Variants in SLCO1B1 observed in about 807,000 individuals in gnomAD.
The protein encoded by SLCO1B1 is solute carrier organic anion transporter family member 1B1.
In SLCO1B1, 81 loss-of-function variants were observed where a neutral mutation model predicts 70.1. The ratio of observed to expected loss-of-function variants is 1.16; its 90% CI spans 0.97 to 1.39. The LOEUF is 1.39. Among genes scored for constraint, SLCO1B1 ranks in the 40% most tolerant of loss-of-function variants. The pLI, the probability that SLCO1B1 is intolerant of heterozygous loss-of-function variation, is 0.00. For missense variants in SLCO1B1, 895 were observed against 799.6 expected (o/e 1.12, Z -1.44); for synonymous variants, 283 against 271.5 (o/e 1.04, Z -0.42).
intron 1 of SLCO1B1, among the ~76,000 whole-genome samples, chr12:21,135,651 T>G (rs539672962): frequency 6.6e-6 from 1 of 152,292 alleles, no homozygotes; most frequent in East Asian, 1.9e-4. Flanking sequence ...AGACTAGGAT[T>G]GCAACCCCTG....
At chr12:21,186,567 C>T (rs1008668046) in intron 7 of SLCO1B1, among the ~76,000 whole-genome samples, 3 of 151,716 alleles carry the variant, frequency 2.0e-5, no homozygotes, top group Non-Finnish European at 4.4e-5. Context: ...CACGACATTA[C>T]AAGAAAAAGT....
chr12:21,211,077 G>T (rs1003182428), intron 11 of SLCO1B1, among the ~76,000 whole-genome samples: 10 of 152,106 alleles, frequency 6.6e-5, no homozygotes, highest in African/African-American at 2.4e-4. Flanking sequence ...AATTGCCCTG[G>T]CCAGAACTTC....
At chr12:21,142,070 TAAAAAA>T (rs4149093) in intron 2 of SLCO1B1, among the ~76,000 whole-genome samples, 1 of 147,488 alleles carries the variant, frequency 6.8e-6, no homozygotes, top group Non-Finnish European at 1.5e-5. Context: ...AAAATTCTTT[TAAAAAA>T]AAAAACAAAA....
rs560703632 is a variant in SLCO1B1, at chr12:21,224,661, A to T, written c.1748-61A>T. 8.2e-6 allele frequency: 8 copies of T among 974,786 alleles called. No individual in the cohort carries two copies. In the South Asian group the frequency reaches 1.1e-4, roughly 13 times the overall value. The allele number at this position is 974,786 out of a possible 1,614,324, so 60.4% of individuals were successfully genotyped here. ...TAATCAAAATATATCAATGTGGAAT[A>T]TCATGCAGTTACATTTAAAATATGT... On this transcript the variant is annotated intron_variant, in intron 13 of 14. Transcript: ENST00000256958.
chr12:21,220,605 G>C (rs1259904571), intron 12 of SLCO1B1, among the ~76,000 whole-genome samples: 1 of 151,994 alleles, frequency 6.6e-6, no homozygotes, highest in Admixed American at 6.6e-5. Context: ...ACTAATAGGA[G>C]AAACCAATAA....
At chr12:21,169,473 T>G (rs1206237405) in intron 2 of SLCO1B1, among the ~76,000 whole-genome samples, 1 of 152,158 alleles carries the variant, frequency 6.6e-6, no homozygotes, top group Non-Finnish European at 1.5e-5. Flanking sequence ...TTTTCCTGAT[T>G]TTTTCTTCTG....
In SLCO1B1 at chr12:21,178,995, C is replaced by T. The variant is rs543278680; in HGVS notation, c.702C>T (p.Tyr234=). ...TGGGATCTCTGTTTTCTAAAATGTACGTGGATATTGGATATGTAGATCTAA... is the reference window on the plus strand; with the variant it reads ...TGGGATCTCTGTTTTCTAAAATGTATGTGGATATTGGATATGTAGATCTAA... The part of the protein sequence containing the change: ...FTLGSLFSKM[Y]VDIGYVDLST... Residue 234 remains tyrosine, a synonymous_variant, in exon 7 of 15, where the codon TAC becomes TAT. Coordinates refer to ENST00000256958, the MANE Select transcript of SLCO1B1 (RefSeq NM_006446.5). 9.9e-6 allele frequency: 16 copies of T among 1,608,290 alleles called. No individual in the cohort carries two copies. Among genetic ancestry groups the T allele is most frequent in the South Asian group, 3.3e-5 (3 of 90,948 alleles).
At chr12:21,189,467 T>C (rs79726175) in intron 7 of SLCO1B1, among the ~76,000 whole-genome samples, 3 of 146,948 alleles carry the variant, frequency 2.0e-5, no homozygotes, top group Non-Finnish European at 4.5e-5. Flanking sequence ...TTTTTTTTTT[T>C]GAGTCACTCT....
At chr12:21,196,716 C>T (rs1941095718) in intron 7 of SLCO1B1, among the ~76,000 whole-genome samples, 2 of 152,150 alleles carry the variant, frequency 1.3e-5, no homozygotes, top group Admixed American at 6.6e-5. Flanking sequence ...CAAGTGCACA[C>T]AAGCTCAGGC....
At position 21,224,730 on chromosome 12, in the gene SLCO1B1, C is replaced by A; in HGVS notation, c.1756C>A (p.Leu586Ile). Residue 586 changes from leucine to isoleucine, a missense_variant, in exon 14 of 15, where the codon CTA becomes ATA. By Grantham distance (5) the Leu-to-Ile change is conservative. Coordinates refer to ENST00000256958, the MANE Select transcript of SLCO1B1 (RefSeq NM_006446.5). ...CTCTTCTCCTATTACAGGAGGAATT[C>A]TAGCTCCAATATATTTTGGGGCTCT... ...SMVIRALGGI[L>I]APIYFGALID... The A allele has an allele frequency of 2.5e-6, 4 of 1,599,560 alleles. No individual in the cohort carries two copies. The highest frequency in any genetic ancestry group is 3.4e-6 in the Non-Finnish European group (4 of 1,167,970).
intron 14 of SLCO1B1, among the ~76,000 whole-genome samples, chr12:21,233,801 C>A (rs962074747): frequency 6.6e-6 from 1 of 152,162 alleles, no homozygotes; most frequent in Non-Finnish European, 1.5e-5. Flanking sequence ...AGAGACAGTG[C>A]CAGAGTCAGC....
At chr12:21,231,994 G>T (rs1941543766) in intron 14 of SLCO1B1, among the ~76,000 whole-genome samples, 1 of 152,156 alleles carries the variant, frequency 6.6e-6, no homozygotes, top group Non-Finnish European at 1.5e-5. Context: ...TTAACCATGA[G>T]TGTATGAGGT....
In SLCO1B1 at chr12:21,217,319, A is replaced by G. The variant is rs1205311948; in HGVS notation, c.1682+16A>G. On this transcript the variant is annotated intron_variant, in intron 12 of 14. Transcript: ENST00000256958. ...TGATTGTTAAGTAAGTATGACTTTTAAAAACATTTTCATATGCATGAGACT... is the reference window on the plus strand; with the variant it reads ...TGATTGTTAAGTAAGTATGACTTTTGAAAACATTTTCATATGCATGAGACT... The G allele has an allele frequency of 6.2e-7, 1 of 1,606,426 alleles. No individual in the cohort carries two copies.
intron 13 of SLCO1B1, 123 bp downstream of exon 13, chr12:21,222,487 C>T (rs1298899766): frequency 1.1e-4 from 25 of 222,726 alleles, no homozygotes; most frequent in Non-Finnish European, 1.7e-4. Context: ...GGATTAAAGA[C>T]TGTAATGAAT....
chr12:21,140,920 G>A (rs200128665), intron 1 of SLCO1B1, among the ~76,000 whole-genome samples: 3 of 152,008 alleles, frequency 2.0e-5, no homozygotes, highest in Non-Finnish European at 2.9e-5. Flanking sequence ...GTAACATCAT[G>A]ATGGTGGTAA....
At chr12:21,221,743 A>G (rs888712333) in intron 12 of SLCO1B1, among the ~76,000 whole-genome samples, 2 of 152,122 alleles carry the variant, frequency 1.3e-5, no homozygotes, top group Non-Finnish European at 2.9e-5. Flanking sequence ...GGCCATTACT[A>G]AAAAGTCAAA....
chr12:21,156,902 T>A (rs1940551176), intron 2 of SLCO1B1, among the ~76,000 whole-genome samples: 1 of 152,172 alleles, frequency 6.6e-6, no homozygotes, highest in Non-Finnish European at 1.5e-5. Context: ...GAACTGTGAA[T>A]GAATTTAAGT....
Position 21,174,750 on chromosome 12 carries a change from G to A in SLCO1B1, c.359+41G>A, listed in dbSNP as rs778943765. 4 of 1,579,854 alleles carry A rather than the reference G, an allele frequency of 2.5e-6. No individual in the cohort carries two copies. In the South Asian group the frequency reaches 4.6e-5, roughly 18 times the overall value. ...AAAAAAAACCTCTGTGCCACTATCA[G>A]TACCTTGTAAATTAGGAGTAGAATT... On this transcript the variant is annotated intron_variant, in intron 4 of 14. Coordinates refer to ENST00000256958, the MANE Select transcript of SLCO1B1 (RefSeq NM_006446.5).
intron 7 of SLCO1B1, among the ~76,000 whole-genome samples, chr12:21,191,929 A>T (rs534578346): frequency 1.3e-5 from 2 of 152,122 alleles, no homozygotes; most frequent in African/African-American, 4.8e-5. Flanking sequence ...ACGCTTGGTG[A>T]TATTTGTTAA....
Sources: gnomAD v4.1 joint callset for allele counts (sites outside exome capture counted in the v4.1 genomes callset) on GRCh38, gnomAD v4.1.1 for gene constraint, MANE v1.5 for transcripts, NCBI Gene and HGNC (gene_info 2026-07-23, HGNC 2026-07-21) for gene names.